LRFN5: variants seen among roughly 807,000 people sequenced by gnomAD.
LRFN5 encodes leucine rich repeat and fibronectin type III domain containing 5.
In LRFN5, 24 loss-of-function variants were observed where a neutral mutation model predicts 45.6. The observed-to-expected ratio is 0.53, with a 90% confidence interval of 0.38 to 0.74. The LOEUF is 0.74. LRFN5 is among the 30% of genes least tolerant of loss of function. The probability of loss-of-function intolerance (pLI) is 0.00; values close to 1 mark genes in which losing one functional copy is unlikely to be tolerated. For missense variants in LRFN5, 776 were observed against 861.5 expected, an observed-to-expected ratio of 0.90 and a Z score of 1.24; for synonymous variants, 340 against 313.8, an observed-to-expected ratio of 1.08 and a Z score of -0.88.
chr14:41,768,027 A>G (rs1885949478), intron 2 of LRFN5, among the ~76,000 whole-genome samples: 3 of 152,138 alleles, frequency 2.0e-5, no homozygotes, highest in Admixed American at 6.5e-5. Context: ...ACTTTTATAT[A>G]GAACAAAAGT....
intron 1 of LRFN5, among the ~76,000 whole-genome samples, chr14:41,670,319 A>T (rs1881143495): frequency 7.6e-6 from 1 of 132,370 alleles, no homozygotes; most frequent in Non-Finnish European, 1.6e-5. Flanking sequence ...ACACACAGAA[A>T]GAACCCCTGG....
chr14:41,779,707 C>G (rs1209518694), intron 2 of LRFN5, among the ~76,000 whole-genome samples: 2 of 151,824 alleles, frequency 1.3e-5, no homozygotes, highest in African/African-American at 4.8e-5. Context: ...CAGTAGTTGT[C>G]TTTCAAGGAA....
intron 2 of LRFN5, among the ~76,000 whole-genome samples, chr14:41,793,075 C>T (rs996513681): frequency 6.6e-6 from 1 of 151,342 alleles, no homozygotes; most frequent in African/African-American, 2.4e-5. Context: ...GTGCAGCGCA[C>T]CAGCATGGCA....
chr14:41,731,710 A>C (rs760286955), intron 1 of LRFN5: 1 of 152,138 alleles, frequency 6.6e-6, no homozygotes, highest in Non-Finnish European at 1.5e-5. Context: ...AAAATATTTG[A>C]AAAAATATAA....
At chr14:41,870,132 A>T (rs1222788695) in intron 2 of LRFN5, among the ~76,000 whole-genome samples, 3 of 152,006 alleles carry the variant, frequency 2.0e-5, no homozygotes, top group Non-Finnish European at 2.9e-5. Flanking sequence ...TTGAGTTTTC[A>T]TTTGGAGGCT....
Position 41,849,255 on chromosome 14 carries a change from A to G in LRFN5, c.-20-37351A>G, listed in dbSNP as rs113452166. 9.2e-3 allele frequency among the ~76,000 whole-genome samples: 1,406 copies of G among 152,050 alleles called. 25 individuals carry two copies. The highest frequency in any genetic ancestry group is 0.031 in the African/African-American group (1,292 of 41,504). On this transcript the variant is annotated intron_variant, in intron 2 of 5. Coordinates refer to ENST00000298119, the MANE Select transcript of LRFN5 (RefSeq NM_152447.5). ...TTATTCCCCAAAAATCTAGCTACTT[A>G]TTTTCTAAAATATTGCTCTACTTTT...
chr14:41,609,187 A>G (rs554853917), intron 1 of LRFN5, among the ~76,000 whole-genome samples: 1 of 152,302 alleles, frequency 6.6e-6, no homozygotes, highest in Admixed American at 6.5e-5. Flanking sequence ...ACGTGCTTTT[A>G]TGTAGCAGAA....
At chr14:41,744,444 A>G (rs1034229594) in intron 1 of LRFN5, among the ~76,000 whole-genome samples, 1 of 152,206 alleles carries the variant, frequency 6.6e-6, no homozygotes, top group Non-Finnish European at 1.5e-5. Flanking sequence ...ACAAAAGAGG[A>G]CAGTAGTGTA....
intron 2 of LRFN5, among the ~76,000 whole-genome samples, chr14:41,850,386 A>C (rs1255282835): frequency 2.6e-5 from 4 of 151,792 alleles, no homozygotes; most frequent in Non-Finnish European, 4.4e-5. Context: ...AAATGAATGA[A>C]TTGTTTGAAT....
chr14:41,892,210 G>A, intron 4 of LRFN5: 1 of 984,994 alleles, frequency 1.0e-6, no homozygotes, highest in Non-Finnish European at 1.2e-6. Flanking sequence ...TCTTTTTCAT[G>A]AAAAATCATT....
At chr14:41,748,596 G>T (rs374791599) in intron 1 of LRFN5, among the ~76,000 whole-genome samples, 1 of 151,992 alleles carries the variant, frequency 6.6e-6, no homozygotes, top group Non-Finnish European at 1.5e-5. Context: ...TTGTGCAACA[G>T]TATAAATGTA....
chr14:41,769,899 C>T (rs1409962227), intron 2 of LRFN5, among the ~76,000 whole-genome samples: 1 of 152,088 alleles, frequency 6.6e-6, no homozygotes, highest in Admixed American at 6.5e-5. Context: ...TGTGTTAGTC[C>T]ATTTTTGCAT....
rs77306369 is a variant in LRFN5, at chr14:41,898,903, C to A, written c.2099-14C>A. On this transcript the variant is annotated splice_polypyrimidine_tract_variant and intron_variant, in intron 4 of 5. Transcript: ENST00000298119. ...AAAATGAATTGTTTATGACACTGAA[C>A]ATTTTATTCCCAGATGCTTTGCTGA... is the stretch of plus-strand genomic sequence containing the variant. 0.015 allele frequency: 24,038 copies of A among 1,606,862 alleles called. 208 individuals carry two copies. The highest frequency in any genetic ancestry group is 0.017 in the Non-Finnish European group (20,412 of 1,176,692).
intron 2 of LRFN5, among the ~76,000 whole-genome samples, chr14:41,870,585 A>C (rs1328964333): frequency 6.6e-6 from 1 of 152,174 alleles, no homozygotes; most frequent in Non-Finnish European, 1.5e-5. Flanking sequence ...CAGCACTGGG[A>C]AAATCCACCC....
intron 2 of LRFN5, among the ~76,000 whole-genome samples, chr14:41,791,597 A>G (rs1886922889): frequency 6.6e-6 from 1 of 152,104 alleles, no homozygotes; most frequent in African/African-American, 2.4e-5. Flanking sequence ...ACTGAATAGT[A>G]CTTAGGTTGA....
rs1430752309 is a variant in LRFN5, at chr14:41,704,436, C to CTGTGTGTG, written c.-196-62417_-196-62416insGTGTGTGT. ...TCTCTCTCTCTCTCTCTCTCTCTCT[C>CTGTGTGTG]TCTCTCTCTCTCTGTGTGTGTGTGT... is the stretch of plus-strand genomic sequence containing the variant. On this transcript the variant is annotated intron_variant, in intron 1 of 5. Transcript: ENST00000298119. Among the ~76,000 whole-genome samples, 460 of 89,492 alleles carry CTGTGTGTG rather than the reference C, an allele frequency of 5.1e-3. 5 individuals are homozygous for CTGTGTGTG. Among genetic ancestry groups the CTGTGTGTG allele is most frequent in the Middle Eastern group, 0.014 (3 of 212 alleles). 58.7% of individuals were successfully genotyped at this position (89,492 alleles called of 152,430 possible).
chr14:41,755,014 C>A (rs1052478954), intron 1 of LRFN5, among the ~76,000 whole-genome samples: 3 of 152,050 alleles, frequency 2.0e-5, no homozygotes, highest in African/African-American at 7.3e-5. Context: ...GCCTTCATTT[C>A]GTTATGTACC....
At chr14:41,898,048 C>T (rs1377661915) in intron 4 of LRFN5, among the ~76,000 whole-genome samples, 2 of 151,838 alleles carry the variant, frequency 1.3e-5, no homozygotes, top group East Asian at 1.9e-4. Flanking sequence ...GTGAACATCT[C>T]CTATTATTGA....
At chr14:41,711,254 G>A (rs936695986) in intron 1 of LRFN5, among the ~76,000 whole-genome samples, 2 of 152,044 alleles carry the variant, frequency 1.3e-5, no homozygotes, top group African/African-American at 4.8e-5. Flanking sequence ...TATTGACTAA[G>A]GCATAAAAGG....
Sources: gnomAD v4.1 joint callset for allele counts (sites outside exome capture counted in the v4.1 genomes callset) on GRCh38, gnomAD v4.1.1 for gene constraint, MANE v1.5 for transcripts, NCBI Gene and HGNC (gene_info 2026-07-23, HGNC 2026-07-21) for gene names.